Variants in ASTN2 observed in about 807,000 individuals in gnomAD.
ASTN2 encodes astrotactin-2.
Under a neutral mutation model 139.8 loss-of-function variants are expected in ASTN2, and 54 were observed. The ratio of observed to expected loss-of-function variants is 0.39; its 90% CI spans 0.31 to 0.48. ASTN2 has a LOEUF of 0.48. Among genes scored for constraint, ASTN2 ranks in the 20% least tolerant of loss-of-function variants. ASTN2 has a pLI of 0.95. For missense variants in ASTN2, 1,565 were observed against 1,725.1 expected (o/e 0.91, Z 1.64); for synonymous variants, 756 against 719.5 (o/e 1.05, Z -0.81).
chr9:116,998,113 G>C (rs1837075689), intron 7 of ASTN2, among the ~76,000 whole-genome samples: 3 of 152,166 alleles, frequency 2.0e-5, no homozygotes, highest in African/African-American at 7.2e-5. Flanking sequence ...TTTCATGCCT[G>C]AATAACAAAG....
chr9:116,472,072 C>T (rs923925812), intron 20 of ASTN2, among the ~76,000 whole-genome samples: 5 of 152,126 alleles, frequency 3.3e-5, no homozygotes, highest in African/African-American at 1.2e-4. Flanking sequence ...AGTCTCCCTA[C>T]CTGCAGTCTC....
chr9:117,081,388 C>A (rs976597229), intron 5 of ASTN2, among the ~76,000 whole-genome samples: 1 of 152,154 alleles, frequency 6.6e-6, no homozygotes, highest in Non-Finnish European at 1.5e-5. Context: ...CCAGTCTACA[C>A]CCTCTCCTAC....
intron 18 of ASTN2, among the ~76,000 whole-genome samples, 183 bp downstream of exon 18, chr9:116,620,127 T>C (rs1856059182): frequency 6.6e-6 from 1 of 152,166 alleles, no homozygotes; most frequent in South Asian, 2.1e-4. Context: ...TGTCTGCTCC[T>C]GTGCCACAAT....
intron 2 of ASTN2, among the ~76,000 whole-genome samples, chr9:117,276,794 C>T (rs1834201477): frequency 6.6e-6 from 1 of 152,170 alleles, no homozygotes; most frequent in African/African-American, 2.4e-5. Context: ...ATGTGGATCC[C>T]AGCTCAGTCT....
At chr9:116,437,357 C>G (rs928163357) in intron 22 of ASTN2, 2 of 471,174 alleles carry the variant, frequency 4.2e-6, no homozygotes, top group African/African-American at 4.0e-5. Context: ...GCTGACATAT[C>G]AGTGTGGGAT....
intron 3 of ASTN2, among the ~76,000 whole-genome samples, chr9:117,194,424 C>T (rs1467521430): frequency 6.6e-6 from 1 of 152,168 alleles, no homozygotes; most frequent in Non-Finnish European, 1.5e-5. Flanking sequence ...GTGGCTCCAT[C>T]AGCATTACAA....
At chr9:116,508,817 G>A (rs933841275) in intron 19 of ASTN2, among the ~76,000 whole-genome samples, 1 of 151,986 alleles carries the variant, frequency 6.6e-6, no homozygotes, top group Non-Finnish European at 1.5e-5. Flanking sequence ...ATAATTAGAG[G>A]GCAAAGAAGA....
At chr9:116,757,291 T>G (rs1393756718) in intron 13 of ASTN2, among the ~76,000 whole-genome samples, 1 of 152,190 alleles carries the variant, frequency 6.6e-6, no homozygotes, top group Non-Finnish European at 1.5e-5. Flanking sequence ...ACCATATGGT[T>G]AATTAGCTAA....
rs570551936 is a variant in ASTN2, at chr9:117,387,753, G to A, written c.442+26744C>T. ...CCTCTTTGTTTCTGGAGAGAAATGC[G>A]GAGTCCTGACTTCTGGACGTGGGTT... On this transcript the variant is annotated intron_variant, in intron 1 of 22. Coordinates refer to ENST00000313400, the MANE Select transcript of ASTN2 (RefSeq NM_001365068.1). Among the ~76,000 whole-genome samples the A allele has an allele frequency of 5.9e-5, 9 of 152,242 alleles. No individual in the cohort carries two copies. The South Asian group carries it at 6.2e-4, about 11-fold the overall frequency.
chr9:116,565,373 CTCTCTCTCTCTCTCCATATATATATATA>C (rs1270413506), intron 19 of ASTN2, among the ~76,000 whole-genome samples: 65 of 29,236 alleles, frequency 2.2e-3, no homozygotes, highest in African/African-American at 8.7e-3. Flanking sequence ...CTCTCTCTCT[CTCTCTCTCTCTCTCCATATATATATATA>C]TATATATATA....
chr9:116,667,924 C>A (rs1588164814), intron 16 of ASTN2, among the ~76,000 whole-genome samples: 1 of 144,852 alleles, frequency 6.9e-6, no homozygotes, highest in Non-Finnish European at 1.5e-5. Context: ...ATCATAAACA[C>A]TTGAAGTCCA....
chr9:117,157,170 T>C (rs1018198420), intron 3 of ASTN2, among the ~76,000 whole-genome samples: 9 of 151,938 alleles, frequency 5.9e-5, no homozygotes, highest in African/African-American at 1.2e-4. Context: ...AAGGAAGACA[T>C]AGACAGGAGG....
At chr9:116,578,687 T>C (rs1183966047) in intron 19 of ASTN2, among the ~76,000 whole-genome samples, 3 of 146,680 alleles carry the variant, frequency 2.0e-5, no homozygotes, top group African/African-American at 7.5e-5. Context: ...ACAGTACCAA[T>C]CCCTGAAACA....
chr9:117,034,855 G>A (rs528349895), intron 6 of ASTN2, among the ~76,000 whole-genome samples: 1 of 152,312 alleles, frequency 6.6e-6, no homozygotes, highest in East Asian at 1.9e-4. Context: ...ATAAAAGAAG[G>A]GGTGAGATTT....
intron 16 of ASTN2, among the ~76,000 whole-genome samples, chr9:116,670,361 T>C (rs571060668): frequency 2.6e-5 from 4 of 151,860 alleles, no homozygotes; most frequent in East Asian, 3.9e-4. Context: ...GGGCAGGAGG[T>C]AGAAGGGCTG....
intron 15 of ASTN2, among the ~76,000 whole-genome samples, chr9:116,726,306 C>T (rs966780594): frequency 2.0e-5 from 3 of 152,178 alleles, no homozygotes; most frequent in African/African-American, 7.2e-5. Context: ...AGATGTTTCA[C>T]CCTCTTTATG....
chr9:117,207,151 G>A (rs897074228), intron 3 of ASTN2, among the ~76,000 whole-genome samples: 1 of 152,180 alleles, frequency 6.6e-6, no homozygotes, highest in Non-Finnish European at 1.5e-5. Flanking sequence ...GCACACACCT[G>A]AGCCAGCCAA....
intron 2 of ASTN2, among the ~76,000 whole-genome samples, chr9:117,253,740 C>T (rs1300166553): frequency 6.6e-6 from 1 of 152,172 alleles, no homozygotes; most frequent in East Asian, 1.9e-4. Context: ...GGTGTCAAAG[C>T]ATCCATGAAA....
chr9:116,942,932 C>T (rs1280032919), intron 10 of ASTN2, among the ~76,000 whole-genome samples: 2 of 152,214 alleles, frequency 1.3e-5, no homozygotes, highest in Non-Finnish European at 2.9e-5. Context: ...CATAACTCTC[C>T]TCTTTGTGGT....
Sources: gnomAD v4.1 joint callset for allele counts (sites outside exome capture counted in the v4.1 genomes callset) on GRCh38, gnomAD v4.1.1 for gene constraint, MANE v1.5 for transcripts, NCBI Gene and HGNC (gene_info 2026-07-23, HGNC 2026-07-21) for gene names.